Variants in ADGRA3 observed in about 807,000 individuals in gnomAD.
ADGRA3 encodes the protein adhesion G protein-coupled receptor A3.
A neutral mutation model predicts 119.8 loss-of-function variants in ADGRA3; 56 were observed. The ratio of observed to expected loss-of-function variants is 0.47; its 90% CI spans 0.38 to 0.58. ADGRA3 has a LOEUF of 0.58. Among genes scored for constraint, ADGRA3 ranks in the 20% least tolerant of loss-of-function variants. ADGRA3 has a pLI of 0.00. For missense variants in ADGRA3, 1,516 were observed against 1,649.0 expected, an observed-to-expected ratio of 0.92 and a Z score of 1.40; for synonymous variants, 607 against 623.8, an observed-to-expected ratio of 0.97 and a Z score of 0.40.
chr4:22,500,791 TGAGTA>T (rs1417122528), intron 1 of ADGRA3, among the ~76,000 whole-genome samples: 1 of 152,150 alleles, frequency 6.6e-6, no homozygotes, highest in East Asian at 1.9e-4. Flanking sequence ...AATTGATAAC[TGAGTA>T]AAGTAGATGA....
chr4:22,434,639 G>C (rs1231805202), intron 10 of ADGRA3, among the ~76,000 whole-genome samples: 1 of 152,182 alleles, frequency 6.6e-6, no homozygotes, highest in Non-Finnish European at 1.5e-5. Context: ...TAAACGTAAA[G>C]TTTAAGAACA....
intron 1 of ADGRA3, among the ~76,000 whole-genome samples, chr4:22,505,854 G>T (rs1308443611): frequency 6.6e-6 from 1 of 152,134 alleles, no homozygotes; most frequent in Non-Finnish European, 1.5e-5. Flanking sequence ...GATAAAACTG[G>T]TCTAGTAGAC....
chr4:22,471,074 G>A (rs369857297), intron 2 of ADGRA3, among the ~76,000 whole-genome samples: 1 of 152,116 alleles, frequency 6.6e-6, no homozygotes, highest in Non-Finnish European at 1.5e-5. Context: ...TAGGAGAGAC[G>A]CACAGGAACA....
intron 3 of ADGRA3, among the ~76,000 whole-genome samples, chr4:22,459,839 T>C (rs1717378937): frequency 6.6e-6 from 1 of 152,148 alleles, no homozygotes. Context: ...CTATCAGGAA[T>C]ACTCTGAAAT....
At chr4:22,465,583 C>T (rs984309757) in intron 2 of ADGRA3, among the ~76,000 whole-genome samples, 1 of 152,152 alleles carries the variant, frequency 6.6e-6, no homozygotes, top group Non-Finnish European at 1.5e-5. Flanking sequence ...ATGCACAAAC[C>T]AGTAAATATA....
At chr4:22,425,643 G>C (rs543323296) in intron 10 of ADGRA3, among the ~76,000 whole-genome samples, 120 of 152,338 alleles carry the variant, frequency 7.9e-4, no homozygotes, top group African/African-American at 2.8e-3. Flanking sequence ...TTAAGTCCCA[G>C]TGCAAAGCCA....
intron 2 of ADGRA3, among the ~76,000 whole-genome samples, chr4:22,470,810 A>G (rs1429561707): frequency 6.6e-6 from 1 of 152,218 alleles, no homozygotes; most frequent in Non-Finnish European, 1.5e-5. Context: ...AGAAAAGAGA[A>G]TGATGTCCAA....
chr4:22,440,695 A>G (rs1716577619), intron 7 of ADGRA3, among the ~76,000 whole-genome samples: 1 of 152,186 alleles, frequency 6.6e-6, no homozygotes, highest in African/African-American at 2.4e-5. Context: ...TAGAGTTCTA[A>G]ATTAATCAAA....
rs1717341954 is a variant in ADGRA3 at position 22,458,911 on chromosome 4, G to C, written c.401+2826C>G. ...CCAGATGGCCCTGAGTTTCTAATGA[G>C]CGCAGACAGACTGATAAACACAGGA... On this transcript the variant is annotated intron_variant, in intron 3 of 18. Transcript: ENST00000334304. Among the ~76,000 whole-genome samples, 3 of 152,272 alleles carry C rather than the reference G, an allele frequency of 2.0e-5. No individual in the cohort carries two copies. In the South Asian group the frequency reaches 6.2e-4, roughly 32 times the overall value.
At chr4:22,442,081 T>G (rs890858588) in intron 7 of ADGRA3, among the ~76,000 whole-genome samples, 2 of 152,152 alleles carry the variant, frequency 1.3e-5, no homozygotes, top group Non-Finnish European at 2.9e-5. Flanking sequence ...GAAAACTCAA[T>G]GTCTAAAGGT....
chr4:22,387,567 A>G lies in ADGRA3; in HGVS notation c.*138T>C. The G allele has an allele frequency of 1.2e-6, 1 of 808,272 alleles. No homozygotes were observed. Among genetic ancestry groups the G allele is most frequent in the Non-Finnish European group, 1.8e-6 (1 of 548,936 alleles). 50.1% of individuals were successfully genotyped at this position (808,272 alleles called of 1,614,324 possible). ...CAACAATTTGGGGATAAAAATAAGT[A>G]AAATCCAAAACTTCAAAGTTTATTC... On this transcript the variant is annotated 3_prime_UTR_variant, in exon 19 of 19. Transcript: ENST00000334304.
At chr4:22,477,289 C>G (rs1365380828) in intron 1 of ADGRA3, among the ~76,000 whole-genome samples, 1 of 151,990 alleles carries the variant, frequency 6.6e-6, no homozygotes, top group Non-Finnish European at 1.5e-5. Flanking sequence ...TAACTGCGAC[C>G]CCACAAGGAA....
rs1419502422 is a variant in ADGRA3 at position 22,438,318 on chromosome 4, T to C, written c.1023A>G (p.Val341=). ...GNNTRTVDIV[V]LESSAQYCPP... ...GACAGTACTGTGCAGAACTCTCTAA[T>C]ACCACAATATCCACAGTCCTCGTAT... is the stretch of plus-strand genomic sequence containing the variant. Residue 341 remains valine, a synonymous_variant, in exon 8 of 19, where the codon GTA becomes GTG. Transcript: ENST00000334304. 9 of 1,612,706 alleles carry C rather than the reference T, an allele frequency of 5.6e-6. No homozygotes were observed. The highest frequency in any genetic ancestry group is 1.7e-5 in the Admixed American group (1 of 60,020).
chr4:22,416,146 C>T (rs1715422020), intron 12 of ADGRA3, among the ~76,000 whole-genome samples: 1 of 152,146 alleles, frequency 6.6e-6, no homozygotes, highest in African/African-American at 2.4e-5. Flanking sequence ...TTAGTCACCG[C>T]AAAACACTTA....
At chr4:22,402,409 G>C (rs1043362161) in intron 15 of ADGRA3, among the ~76,000 whole-genome samples, 1 of 152,050 alleles carries the variant, frequency 6.6e-6, no homozygotes, top group African/African-American at 2.4e-5. Flanking sequence ...CCGCCCCACA[G>C]TGTCCAATAC....
intron 1 of ADGRA3, among the ~76,000 whole-genome samples, chr4:22,504,673 T>C (rs960888054): frequency 3.9e-5 from 6 of 152,004 alleles, no homozygotes; most frequent in Admixed American, 3.3e-4. Flanking sequence ...TTCCTCTGCT[T>C]GTACCAGCCC....
intron 14 of ADGRA3, among the ~76,000 whole-genome samples, chr4:22,405,726 T>C (rs906234459): frequency 2.6e-5 from 4 of 152,158 alleles, no homozygotes; most frequent in African/African-American, 9.7e-5. Context: ...ACAGGGGCAT[T>C]TTGTTCTCAA....
At chr4:22,419,772 GT>G (rs142209065) in intron 12 of ADGRA3, among the ~76,000 whole-genome samples, 2 of 151,728 alleles carry the variant, frequency 1.3e-5, no homozygotes, top group East Asian at 1.9e-4. Flanking sequence ...GTTTTGTTTT[GT>G]TTTTTTCCCC....
At chr4:22,398,068 G>T in intron 16 of ADGRA3, 1 of 985,114 alleles carries the variant, frequency 1.0e-6, no homozygotes, top group South Asian at 4.7e-5. Flanking sequence ...TTCTACACAT[G>T]GATGTAGTTG....
Sources: gnomAD v4.1 joint callset for allele counts (sites outside exome capture counted in the v4.1 genomes callset) on GRCh38, gnomAD v4.1.1 for gene constraint, MANE v1.5 for transcripts, NCBI Gene and HGNC (gene_info 2026-07-23, HGNC 2026-07-21) for gene names.